The following MFAP5 variants were observed in gnomAD, a reference collection of about 807,000 sequenced individuals.
The protein encoded by MFAP5 is microfibril associated protein 5.
Under a neutral mutation model 30.1 loss-of-function variants are expected in MFAP5, and 19 were observed. The ratio of observed to expected loss-of-function variants is 0.63; its 90% CI spans 0.44 to 0.93. The LOEUF (loss-of-function observed/expected upper bound fraction) is 0.93. Ranked by LOEUF, MFAP5 falls within the 40% of genes least tolerant of loss-of-function variation. MFAP5 has a pLI of 0.00. For missense variants in MFAP5, 210 were observed against 221.3 expected (o/e 0.95, Z 0.32); for synonymous variants, 92 against 72.9 (o/e 1.26, Z -1.33).
intron 3 of MFAP5, among the ~76,000 whole-genome samples, chr12:8,656,695 CTCTG>C (rs1277369527): frequency 1.8e-4 from 25 of 142,672 alleles, no homozygotes; most frequent in Non-Finnish European, 2.9e-4. Flanking sequence ...CAGAGTCTGG[CTCTG>C]TCTGTCGCCC....
At chr12:8,658,423 A>G (rs1482214767) in intron 3 of MFAP5, 4 of 151,778 alleles carry the variant, frequency 2.6e-5, no homozygotes, top group African/African-American at 9.7e-5. Context: ...CTTTCAGAAC[A>G]CTTTTTTTTT....
rs974933603 is a variant in MFAP5, at chr12:8,647,224, C to T, written c.*867G>A. ...GCACTTGTTAAGTTGTGAAGATGAA[C>T]GAAGTAGCAACTCAAGGAAACGTCA... On this transcript the variant is annotated 3_prime_UTR_variant, in exon 10 of 10. Transcript: ENST00000359478. 6 of 152,150 alleles carry T rather than the reference C, an allele frequency of 3.9e-5. No homozygotes were observed. The highest frequency in any genetic ancestry group is 9.7e-5 in the African/African-American group (4 of 41,438). 9.4% of individuals were successfully genotyped at this position (152,150 alleles called of 1,614,324 possible).
chr12:8,654,126 CAAAAAA>C, intron 6 of MFAP5: 1 of 111,264 alleles, frequency 9.0e-6, no homozygotes, highest in Non-Finnish European at 1.7e-5. Context: ...TAATCCGTCT[CAAAAAA>C]AAAAAAAAAA....
At position 8,650,739 on chromosome 12, in the gene MFAP5, C is replaced by T. The variant is rs1941815401; in HGVS notation, c.248-150G>A. 3 of 674,276 alleles carry T rather than the reference C, an allele frequency of 4.4e-6. No homozygotes were observed. In the South Asian group the frequency reaches 6.1e-5, roughly 14 times the overall value. 41.8% of individuals were successfully genotyped at this position (674,276 alleles called of 1,614,324 possible). ...ATTATAAATTGGGCTACATCCTTTC[C>T]GTCCACCAAAAACACAGCAAGAGGG... On this transcript the variant is annotated intron_variant, in intron 7 of 9. Coordinates refer to ENST00000359478, the MANE Select transcript of MFAP5 (RefSeq NM_003480.4).
intron 8 of MFAP5, 52 bp downstream of exon 8, chr12:8,650,450 C>A: frequency 6.4e-7 from 1 of 1,567,884 alleles, no homozygotes; most frequent in Admixed American, 1.7e-5. Context: ...TAGTTATCAA[C>A]ACAGAAACAC....
chr12:8,656,668 A>ATATATTT (rs1174790172), intron 3 of MFAP5, among the ~76,000 whole-genome samples: 23 of 118,760 alleles, frequency 1.9e-4, no homozygotes, highest in African/African-American at 7.4e-4. Context: ...ATATATATAT[A>ATATATTT]TTTTTTTTTT....
chr12:8,655,911 A>T, intron 3 of MFAP5, 81 bp from the exon 4 acceptor site: 1 of 1,259,224 alleles, frequency 7.9e-7, no homozygotes, highest in Middle Eastern at 1.9e-4. Flanking sequence ...TAAATTGCGA[A>T]GCATAGTGCC....
chr12:8,650,681 G>GA (rs933099981), intron 7 of MFAP5, 92 bp from the exon 8 acceptor site: 23 of 1,071,614 alleles, frequency 2.1e-5, no homozygotes, highest in Admixed American at 4.0e-5. Context: ...GATAGAGTAG[G>GA]AAAAAAATAC....
At chr12:8,658,925 G>A (rs1402193680) in intron 3 of MFAP5, among the ~76,000 whole-genome samples, 1 of 151,406 alleles carries the variant, frequency 6.6e-6, no homozygotes, top group Non-Finnish European at 1.5e-5. Context: ...CGAACTCCTG[G>A]GCTCAAGCGA....
chr12:8,655,726 G>A (rs1941963164), intron 4 of MFAP5, 60 bp downstream of exon 4: 3 of 1,557,146 alleles, frequency 1.9e-6, no homozygotes, highest in Non-Finnish European at 2.6e-6. Flanking sequence ...ATGTAGACAT[G>A]ATCCTTTATC....
intron 5 of MFAP5, 28 bp downstream of exon 5, chr12:8,655,386 AT>A (rs34501309): frequency 0.012 from 14,551 of 1,232,790 alleles, no homozygotes; most frequent in South Asian, 0.024. Context: ...GAACCATGCC[AT>A]TTTTTTTTTA....
chr12:8,660,562 T>C (rs1942119182), intron 3 of MFAP5, among the ~76,000 whole-genome samples: 1 of 152,026 alleles, frequency 6.6e-6, no homozygotes, highest in East Asian at 1.9e-4. Context: ...CTGAGTAAGA[T>C]AGGAGATGTG....
rs1941775318 is a variant in MFAP5 at position 8,649,543 on chromosome 12, TCTC to T, written c.364_366del (p.Glu122del). On this transcript the variant is annotated inframe_deletion, in exon 9 of 10. Transcript: ENST00000359478. The stretch of plus-strand genomic sequence containing the variant: ...TCCTTACAGACAAGACGAGAGCAGA[TCTC>T]CTTGTTGACGATGTACATACGTCGT... The T allele has an allele frequency of 1.9e-6, 3 of 1,614,040 alleles. No individual in the cohort carries two copies. Among genetic ancestry groups the T allele is most frequent in the Non-Finnish European group, 2.5e-6 (3 of 1,180,008 alleles).
intron 1 of MFAP5, 161 bp downstream of exon 1, chr12:8,662,466 C>T (rs953906843): frequency 8.8e-6 from 2 of 228,262 alleles, no homozygotes; most frequent in Admixed American, 5.2e-5. Flanking sequence ...ATCTGCTCAT[C>T]TTGGCGTCTC....
rs2289385 is a variant in MFAP5 at position 8,650,366 on chromosome 12, C to A, written c.335+136G>T. ...TCCAGGTTCTAGTTGGTACATTCAG[C>A]AATAACTAGGAGGGTTGTGCTAAAA... On this transcript the variant is annotated intron_variant, in intron 8 of 9. Transcript: ENST00000359478. 0.059 allele frequency: 42,836 copies of A among 725,910 alleles called. 1,414 individuals are homozygous for A. The highest frequency in any genetic ancestry group is 0.085 in the Middle Eastern group (352 of 4,142). The allele number at this position is 725,910 out of a possible 1,614,324, so 45.0% of individuals were successfully genotyped here.
intron 2 of MFAP5, among the ~76,000 whole-genome samples, chr12:8,661,116 T>G (rs1942138274): frequency 6.6e-6 from 1 of 152,122 alleles, no homozygotes; most frequent in South Asian, 2.1e-4. Context: ...TTCACTGCTG[T>G]GCATTTGTTT....
At chr12:8,650,030 A>G (rs752652146) in intron 8 of MFAP5, among the ~76,000 whole-genome samples, 57 of 152,232 alleles carry the variant, frequency 3.7e-4, no homozygotes, top group Non-Finnish European at 6.6e-4. Context: ...AACATACAAT[A>G]TTTGGTTTTT....
chr12:8,648,278 G>T, intron 9 of MFAP5, 75 bp from the exon 10 acceptor site: 10 of 1,265,796 alleles, frequency 7.9e-6, no homozygotes, highest in Non-Finnish European at 1.1e-5. Context: ...GGATAGAGAA[G>T]ACTTTTCAGT....
At chr12:8,648,265 A>G (rs1283563229) in intron 9 of MFAP5, 62 bp from the exon 10 acceptor site, 2 of 1,399,030 alleles carry the variant, frequency 1.4e-6, no homozygotes, top group African/African-American at 2.9e-5. Context: ...CTCTTGTTTT[A>G]AGGGATAGAG....
Sources: gnomAD v4.1 joint callset for allele counts (sites outside exome capture counted in the v4.1 genomes callset) on GRCh38, gnomAD v4.1.1 for gene constraint, MANE v1.5 for transcripts, NCBI Gene and HGNC (gene_info 2026-07-23, HGNC 2026-07-21) for gene names.